ATP8B4: variants seen among roughly 807,000 people sequenced by gnomAD.
The protein encoded by ATP8B4 is ATPase phospholipid transporting 8B4 (putative).
ATP8B4 carries 133 observed loss-of-function variants against 145.6 expected under a neutral mutation model. The ratio of observed to expected loss-of-function variants is 0.91; its 90% CI spans 0.79 to 1.05. ATP8B4 has a LOEUF of 1.05. ATP8B4 is among the 50% of genes least tolerant of loss of function. The probability of loss-of-function intolerance (pLI) is 0.00; values close to 1 mark genes in which losing one functional copy is unlikely to be tolerated. For missense variants in ATP8B4, 1,458 were observed against 1,425.2 expected (o/e 1.02, Z -0.37); for synonymous variants, 507 against 492.9 (o/e 1.03, Z -0.38).
intron 10 of ATP8B4, among the ~76,000 whole-genome samples, chr15:49,986,478 T>C (rs776800108): frequency 1.3e-5 from 2 of 152,244 alleles, no homozygotes; most frequent in Non-Finnish European, 2.9e-5. Flanking sequence ...GTCTTTACAA[T>C]GGCAATGCCC....
chr15:49,973,116 G>A (rs958522679), intron 12 of ATP8B4, among the ~76,000 whole-genome samples: 2 of 152,166 alleles, frequency 1.3e-5, no homozygotes, highest in African/African-American at 4.8e-5. Flanking sequence ...TATAAGATAC[G>A]GCAGTGGTCC....
intron 17 of ATP8B4, among the ~76,000 whole-genome samples, chr15:49,922,886 C>T (rs1409443837): frequency 6.6e-6 from 1 of 152,152 alleles, no homozygotes; most frequent in Non-Finnish European, 1.5e-5. Flanking sequence ...TGATTTATGA[C>T]CTGAATAAAA....
intron 12 of ATP8B4, among the ~76,000 whole-genome samples, chr15:49,977,560 C>A (rs2153529465): frequency 6.6e-6 from 1 of 152,192 alleles, no homozygotes; most frequent in African/African-American, 2.4e-5. Context: ...ATTTTGAAAG[C>A]AGCTCAGCAA....
At chr15:49,903,954 A>G (rs962661458) in intron 20 of ATP8B4, among the ~76,000 whole-genome samples, 2 of 152,154 alleles carry the variant, frequency 1.3e-5, no homozygotes, top group South Asian at 2.1e-4. Flanking sequence ...CCTGTTTAAA[A>G]GAAGAAAATC....
chr15:49,875,388 TG>T (rs2034252653), intron 25 of ATP8B4, among the ~76,000 whole-genome samples: 1 of 152,192 alleles, frequency 6.6e-6, no homozygotes, highest in South Asian at 2.1e-4. Flanking sequence ...GTCTTCTCTA[TG>T]GAAGGAGAAT....
intron 10 of ATP8B4, among the ~76,000 whole-genome samples, chr15:49,986,014 T>C (rs1467137746): frequency 6.6e-6 from 1 of 152,180 alleles, no homozygotes; most frequent in Non-Finnish European, 1.5e-5. Context: ...CCAAATTCTG[T>C]GAACTTTCTG....
At chr15:50,114,128 T>TTA (rs869306298) in intron 1 of ATP8B4, among the ~76,000 whole-genome samples, 5 of 130,616 alleles carry the variant, frequency 3.8e-5, no homozygotes, top group Non-Finnish European at 8.0e-5. Context: ...TTTTTTTTTT[T>TTA]AATTTTCATA....
chr15:50,173,180 C>T (rs2044712680), intron 1 of ATP8B4, among the ~76,000 whole-genome samples: 3 of 152,142 alleles, frequency 2.0e-5, no homozygotes, highest in Admixed American at 2.0e-4. Flanking sequence ...CGGCCGCCAC[C>T]CCGTCTGGGA....
At position 50,111,244 on chromosome 15, in the gene ATP8B4, G is replaced by C. The variant is rs550498293; in HGVS notation, c.-42-4236C>G. Among the ~76,000 whole-genome samples, 10 of 152,338 alleles carry C rather than the reference G, an allele frequency of 6.6e-5. No homozygotes were observed. The South Asian group carries it at 1.9e-3, about 28-fold the overall frequency. On this transcript the variant is annotated intron_variant, in intron 1 of 27. Transcript: ENST00000284509. ...GCCGTTCAGCAGTCAAGTTATTACA[G>C]CTAATTCCCCTTGCTCTGATTCCAT...
At chr15:49,981,111 A>G (rs2046113732) in intron 11 of ATP8B4, 95 bp downstream of exon 11, 2 of 1,054,580 alleles carry the variant, frequency 1.9e-6, no homozygotes, top group Middle Eastern at 2.1e-4. Context: ...AAACTCCACA[A>G]GGAGAATGTA....
chr15:49,885,074 C>T (rs570078019), intron 23 of ATP8B4, among the ~76,000 whole-genome samples: 3 of 152,318 alleles, frequency 2.0e-5, no homozygotes, highest in South Asian at 4.1e-4. Flanking sequence ...TGGAATGAAT[C>T]CAGACTCCCT....
intron 3 of ATP8B4, among the ~76,000 whole-genome samples, chr15:50,061,718 G>T (rs890288581): frequency 6.6e-6 from 1 of 151,718 alleles, no homozygotes; most frequent in Admixed American, 6.6e-5. Flanking sequence ...GTAGCCAAAT[G>T]GTTCCCCAAA....
At chr15:50,136,723 G>A (rs2044128036) in intron 1 of ATP8B4, among the ~76,000 whole-genome samples, 1 of 152,176 alleles carries the variant, frequency 6.6e-6, no homozygotes, top group Non-Finnish European at 1.5e-5. Flanking sequence ...TTGATGGTGA[G>A]CGTGGGGCTC....
chr15:49,902,957 A>G (rs1323328946), intron 20 of ATP8B4, among the ~76,000 whole-genome samples: 1 of 152,154 alleles, frequency 6.6e-6, no homozygotes, highest in African/African-American at 2.4e-5. Flanking sequence ...CATTCCAAAG[A>G]AGGGTGAAGT....
rs796801938 is a variant in ATP8B4, at chr15:49,861,434, C to G, written c.3297+811G>C. The stretch of plus-strand genomic sequence containing the variant: ...TGTGTGTGTGTGTGTGTCTGTCTGT[C>G]TGTCTGTCTGTCTGTCTGTCTATCT... On this transcript the variant is annotated intron_variant, in intron 27 of 27. Transcript: ENST00000284509. 4.4e-3 allele frequency among the ~76,000 whole-genome samples: 604 copies of G among 136,646 alleles called. 2 individuals are homozygous for G. Among genetic ancestry groups the G allele is most frequent in the Middle Eastern group, 7.4e-3 (2 of 272 alleles). The allele number at this position is 136,646 out of a possible 152,430, so 89.6% of individuals were successfully genotyped here.
chr15:49,951,629 G>A (rs867921976), intron 14 of ATP8B4, among the ~76,000 whole-genome samples: 2 of 152,058 alleles, frequency 1.3e-5, no homozygotes, highest in Non-Finnish European at 2.9e-5. Context: ...ACACTAATGG[G>A]TCTTGATTCC....
intron 6 of ATP8B4, among the ~76,000 whole-genome samples, chr15:50,013,440 A>T (rs2048863561): frequency 6.6e-6 from 1 of 152,172 alleles, no homozygotes; most frequent in African/African-American, 2.4e-5. Flanking sequence ...CAGTATATGA[A>T]TATTCTGAAA....
chr15:50,020,649 C>T (rs949679433), intron 6 of ATP8B4, among the ~76,000 whole-genome samples: 1 of 152,162 alleles, frequency 6.6e-6, no homozygotes, highest in African/African-American at 2.4e-5. Flanking sequence ...CTAGACCAGG[C>T]AGAAAACCAC....
intron 9 of ATP8B4, among the ~76,000 whole-genome samples, chr15:49,989,842 C>T (rs2046914816): frequency 6.6e-6 from 1 of 152,102 alleles, no homozygotes; most frequent in Admixed American, 6.6e-5. Flanking sequence ...TTCTTTTGTA[C>T]CACTTTCGAA....
Sources: gnomAD v4.1 joint callset for allele counts (sites outside exome capture counted in the v4.1 genomes callset) on GRCh38, gnomAD v4.1.1 for gene constraint, MANE v1.5 for transcripts, NCBI Gene and HGNC (gene_info 2026-07-23, HGNC 2026-07-21) for gene names.